BCORL1: variants seen among roughly 807,000 people sequenced by gnomAD.
BCORL1 encodes BCL-6 corepressor-like protein 1.
In BCORL1, 7 loss-of-function variants were observed where a neutral mutation model predicts 87.6. That is an observed-to-expected ratio of 0.08 (90% CI 0.05 to 0.15). BCORL1 has a LOEUF of 0.15. Ranked by LOEUF, BCORL1 falls within the 10% of genes least tolerant of loss-of-function variation. The probability of loss-of-function intolerance (pLI) is 1.00; values close to 1 mark genes in which losing one functional copy is unlikely to be tolerated. For missense variants in BCORL1, 1,215 were observed against 1,499.7 expected, an observed-to-expected ratio of 0.81 and a Z score of 3.13; for synonymous variants, 591 against 634.4, an observed-to-expected ratio of 0.93 and a Z score of 1.03.
intron 1 of BCORL1, among the ~76,000 whole-genome samples, chrX:129,998,364 G>A (rs1481896994): frequency 9.2e-6 from 1 of 108,847 alleles, no homozygotes; most frequent in East Asian, 2.9e-4. Context: ...AGGCGGGGTG[G>A]TGGGGGGAGG....
At chrX:130,041,436 C>T (rs887799812) in intron 11 of BCORL1, among the ~76,000 whole-genome samples, 5 of 111,297 alleles carry the variant, frequency 4.5e-5, no homozygotes, top group African/African-American at 1.3e-4. Flanking sequence ...CGGGTTCAAG[C>T]GATTCTCATT....
Position 130,016,146 on chromosome X carries a change from A to G in BCORL1, c.3374A>G (p.Lys1125Arg). ...AAGAAGATGAAGTGCGGCAAAGAGA[A>G]GGACAGTGAAGAGCAGCAGCTCCAG... ...PPKKMKCGKE[K>R]DSEEQQLQPQ... is the part of the protein sequence containing the mutation. The change falls in exon 4 of 14, where the codon AAG (lysine) becomes AGG (arginine). Residue 1125 changes from lysine (K) to arginine (R), a missense_variant. Around this residue, in one of 5 missense-constraint regions of BCORL1, gnomAD observed 861 missense variants for 1,010.0 expected, o/e 0.85. Coordinates refer to ENST00000540052, the MANE Select transcript of BCORL1 (RefSeq NM_001379451.1). 1 of 1,210,319 alleles carries G rather than the reference A, an allele frequency of 8.3e-7. No homozygotes were observed. The highest frequency in any genetic ancestry group is 1.1e-6 in the Non-Finnish European group (1 of 895,091).
At chrX:130,021,435 G>A in intron 5 of BCORL1, 2 of 251,017 alleles carry the variant, frequency 8.0e-6, no homozygotes, top group Non-Finnish European at 1.1e-5. Flanking sequence ...CCCCGCGATG[G>A]GTCTAGGCTC....
intron 1 of BCORL1, 116 bp from the exon 2 acceptor site, chrX:130,005,072 G>A (rs1426785720): frequency 1.6e-5 from 7 of 440,696 alleles, no homozygotes; most frequent in Non-Finnish European, 2.3e-5. Context: ...ATAGCAGGCT[G>A]GCTGCTTTAA....
intron 9 of BCORL1, among the ~76,000 whole-genome samples, chrX:130,036,221 G>A (rs971025015): frequency 4.5e-5 from 5 of 112,149 alleles, no homozygotes; most frequent in Non-Finnish European, 1.9e-5. Flanking sequence ...TCCAAGGAAG[G>A]CAGTCATTAA....
chrX:129,995,195 G>A (rs780634658), intron 1 of BCORL1, among the ~76,000 whole-genome samples: 2 of 109,667 alleles, frequency 1.8e-5, no homozygotes, highest in African/African-American at 6.6e-5. Context: ...TAGTAGAGAT[G>A]GGGTTTCACC....
chrX:129,981,869 G>A (rs1044316703), upstream of BCORL1: 8 of 87,490 alleles, frequency 9.1e-5, no homozygotes, highest in Non-Finnish European at 1.6e-4. Context: ...AGAGAGGCGA[G>A]CCCCGGCTTC....
intron 2 of BCORL1, among the ~76,000 whole-genome samples, chrX:130,007,919 C>T (rs984576493): frequency 6.2e-5 from 7 of 112,144 alleles, no homozygotes; most frequent in South Asian, 7.4e-4. Flanking sequence ...TCTGATTTTC[C>T]CTCCATCTTG....
At chrX:130,032,521 A>G (rs1047512558) in intron 8 of BCORL1, among the ~76,000 whole-genome samples, 1 of 111,529 alleles carries the variant, frequency 9.0e-6, no homozygotes, top group Non-Finnish European at 1.9e-5. Context: ...TGTTGGTTAC[A>G]TAGGTCAGCC....
intron 1 of BCORL1, among the ~76,000 whole-genome samples, chrX:129,996,570 C>A (rs745793031): frequency 1.8e-5 from 2 of 111,737 alleles, no homozygotes; most frequent in Admixed American, 9.5e-5. Context: ...AAGGGAACTA[C>A]ATGATCCTGA....
At position 130,015,930 on chromosome X, in the gene BCORL1, A is replaced by G. The variant is rs35470604; in HGVS notation, c.3158A>G (p.Lys1053Arg). Residue 1053 changes from lysine (K) to arginine (R), a missense_variant, in exon 4 of 14, where the codon AAG (lysine) becomes AGG (arginine). Around this residue, in one of 5 missense-constraint regions of BCORL1, gnomAD observed 861 missense variants for 1,010.0 expected, o/e 0.85. Coordinates refer to ENST00000540052, the MANE Select transcript of BCORL1 (RefSeq NM_001379451.1). ...QVDLGRVKME[K>R]VDGDVVFNLA... ...GATCTGGGGCGAGTGAAAATGGAGA[A>G]GGTGGATGGTGATGTGGTCTTCAAT... The G allele has an allele frequency of 6.0e-3, 7,203 of 1,210,113 alleles. 19 individuals carry two copies. Among genetic ancestry groups the G allele is most frequent in the Non-Finnish European group, 7.1e-3 (6,340 of 895,288 alleles).
chrX:130,025,111 G>A lies in BCORL1; in HGVS notation c.3810G>A (p.Lys1270=), dbSNP rs761021124. The A allele has an allele frequency of 3.3e-6, 4 of 1,211,786 alleles. No individual in the cohort carries two copies. The East Asian group carries it at 8.9e-5, about 27-fold the overall frequency. ...PTPAKRRKVR[K]TQRDTQYRSH... is the part of the protein sequence containing the mutation. The stretch of plus-strand genomic sequence containing the variant: ...CAGCTAAGCGTCGAAAGGTGAGAAA[G>A]ACCCAACGGGACACCCAGTATCGCA... Residue 1270 remains lysine (K), a synonymous_variant, in exon 7 of 14, where the codon AAG becomes AAA. Coordinates refer to ENST00000540052, the MANE Select transcript of BCORL1 (RefSeq NM_001379451.1).
chrX:130,052,104 C>A, intron 13 of BCORL1, 88 bp downstream of exon 13: 1 of 964,636 alleles, frequency 1.0e-6, no homozygotes, highest in East Asian at 3.2e-5. Context: ...AAGTGAAGAC[C>A]TGGCAACGAG....
chrX:130,000,016 C>T (rs1230341855), intron 1 of BCORL1, among the ~76,000 whole-genome samples: 1 of 108,682 alleles, frequency 9.2e-6, no homozygotes, highest in African/African-American at 3.4e-5. Flanking sequence ...GAAATGAGTA[C>T]CTGGGGTATC....
At chrX:130,038,001 A>C (rs773617578) in intron 10 of BCORL1, among the ~76,000 whole-genome samples, 1 of 112,149 alleles carries the variant, frequency 8.9e-6, no homozygotes, top group Non-Finnish European at 1.9e-5. Flanking sequence ...AAAGACTTCT[A>C]TAGGCTCAAG....
intron 11 of BCORL1, among the ~76,000 whole-genome samples, chrX:130,044,512 AT>A (rs35777435): frequency 0.013 from 1,325 of 101,290 alleles, 10 homozygotes; most frequent in African/African-American, 0.029. Flanking sequence ...TTTTTCTTTA[AT>A]TTTTTTTTTT....
intron 13 of BCORL1, among the ~76,000 whole-genome samples, chrX:130,052,678 G>A (rs936432124): frequency 8.9e-6 from 1 of 112,736 alleles, no homozygotes; most frequent in Non-Finnish European, 1.9e-5. Context: ...ATGTCAGCGT[G>A]TGGAAGTGCT....
At chrX:129,991,270 C>T (rs1381300903) in intron 1 of BCORL1, among the ~76,000 whole-genome samples, 1 of 111,199 alleles carries the variant, frequency 9.0e-6, no homozygotes, top group Non-Finnish European at 1.9e-5. Flanking sequence ...GCACCCACCA[C>T]CACGCCTGGC....
intron 5 of BCORL1, among the ~76,000 whole-genome samples, chrX:130,022,539 T>C (rs1222949373): frequency 9.0e-6 from 1 of 111,140 alleles, no homozygotes; most frequent in African/African-American, 3.3e-5. Flanking sequence ...TGAGCCACCA[T>C]GCCCAGCAGA....
Sources: allele counts gnomAD v4.1 joint callset (sites outside exome capture counted in the v4.1 genomes callset), GRCh38; gene constraint gnomAD v4.1.1; regional missense constraint gnomAD v4.1.1; transcripts MANE v1.5; gene names NCBI Gene and HGNC (gene_info 2026-07-23, HGNC 2026-07-21).